Variants in ADAD1 observed in about 807,000 individuals in gnomAD.
ADAD1 encodes the protein adenosine deaminase domain-containing protein 1.
In ADAD1, 46 loss-of-function variants were observed where a neutral mutation model predicts 66.8. The observed-to-expected ratio is 0.69, with a 90% CI of 0.54 to 0.88. ADAD1 has a LOEUF of 0.88. ADAD1 is among the 40% of genes least tolerant of loss of function. The pLI is 0.00. For synonymous variants in ADAD1, 248 were observed against 229.4 expected (o/e 1.08, Z -0.73); for missense variants, 617 against 681.8 (o/e 0.91, Z 1.06).
chr4:122,407,829 T>C, intron 7 of ADAD1, 79 bp from the exon 8 acceptor site: 4 of 1,377,162 alleles, frequency 2.9e-6, no homozygotes, highest in Non-Finnish European at 3.9e-6. Context: ...AAATTAAAAA[T>C]GATGAGATAG....
intron 12 of ADAD1, among the ~76,000 whole-genome samples, chr4:122,429,162 G>A (rs933402369): frequency 6.6e-6 from 1 of 151,768 alleles, no homozygotes; most frequent in Non-Finnish European, 1.5e-5. Context: ...AACTGGCCAG[G>A]TGTGGTGGCT....
intron 6 of ADAD1, among the ~76,000 whole-genome samples, chr4:122,395,481 G>A (rs2150552947): frequency 6.6e-6 from 1 of 151,802 alleles, no homozygotes; most frequent in Non-Finnish European, 1.5e-5. Flanking sequence ...AGGAGTTCAA[G>A]ACCAGTCTGG....
intron 5 of ADAD1, among the ~76,000 whole-genome samples, chr4:122,387,158 T>C (rs1240226989): frequency 1.3e-5 from 2 of 152,354 alleles, no homozygotes; most frequent in African/African-American, 4.8e-5. Flanking sequence ...ATATTGATTC[T>C]TCTATCCGTG....
At chr4:122,409,029 G>A (rs1796354333) in intron 8 of ADAD1, among the ~76,000 whole-genome samples, 1 of 152,146 alleles carries the variant, frequency 6.6e-6, no homozygotes, top group Non-Finnish European at 1.5e-5. Context: ...ATTGTCCAAG[G>A]ACAGCACCAG....
intron 12 of ADAD1, among the ~76,000 whole-genome samples, chr4:122,421,771 A>G (rs1312005229): frequency 1.3e-5 from 2 of 152,042 alleles, no homozygotes; most frequent in African/African-American, 4.8e-5. Context: ...GAATTTTTCT[A>G]TTTTAAAGTT....
At chr4:122,411,471 C>A in intron 9 of ADAD1, 79 bp downstream of exon 9, 1 of 1,349,458 alleles carries the variant, frequency 7.4e-7, no homozygotes, top group Non-Finnish European at 1.0e-6. Context: ...GCAAATAGAA[C>A]ATATAAATTC....
rs777715886 is a variant in ADAD1, at chr4:122,380,094, C to T, written c.25C>T (p.Gln9Ter). 1 of 1,612,934 alleles carries T rather than the reference C, an allele frequency of 6.2e-7. No homozygotes were observed. Among genetic ancestry groups the T allele is most frequent in the African/African-American group, 1.3e-5 (1 of 74,808 alleles). ...AATGGCTAGCAACAATCATTGGTTT[C>T]AGAGTTCGCAGGTCCCCAGCTTTGC... MASNNHWF[Q>*]SSQVPSFAQM... Residue 9 changes from glutamine to a stop codon, truncating the protein, a stop_gained, in exon 3 of 13, where the codon CAG (glutamine) becomes TAG (stop). Coordinates refer to ENST00000296513, the MANE Select transcript of ADAD1 (RefSeq NM_139243.4). LOFTEE classifies it high-confidence loss of function.
rs1484567037 is a variant in ADAD1, at chr4:122,421,359, T to G, written c.1586T>G (p.Leu529Ter). The part of the protein sequence containing the change: ...NLLAKEAKKE[L>*]LEAGTYHAAK... ...CTTGCCAAAGAAGCTAAAAAAGAAT[T>G]ACTTGAAGCTGGTACATATCATGCA... The change falls in exon 12 of 13, where the codon TTA becomes TGA. Residue 529 changes from leucine to a stop codon, truncating the protein, a stop_gained. Transcript: ENST00000296513. LOFTEE classifies it high-confidence loss of function. The G allele has an allele frequency of 6.2e-7, 1 of 1,602,054 alleles. No individual in the cohort carries two copies. Among genetic ancestry groups the G allele is most frequent in the Non-Finnish European group, 8.5e-7 (1 of 1,171,836 alleles).
intron 5 of ADAD1, among the ~76,000 whole-genome samples, 181 bp downstream of exon 5, chr4:122,384,147 A>G (rs1046224491): frequency 3.9e-5 from 6 of 152,222 alleles, no homozygotes; most frequent in African/African-American, 1.4e-4. Flanking sequence ...GCTCTTGCAT[A>G]TTTCAGCACT....
chr4:122,412,813 A>T lies in ADAD1; in HGVS notation c.1249+4A>T. Reference sequence around the variant, plus strand: ...TACATCAGCAGTATACTTATTGGTGAGTGGGATTTCAGAACCTCCTGGGCC... The same window carrying T: ...TACATCAGCAGTATACTTATTGGTGTGTGGGATTTCAGAACCTCCTGGGCC... On this transcript the variant is annotated splice_donor_region_variant and intron_variant, in intron 10 of 12. Coordinates refer to ENST00000296513, the MANE Select transcript of ADAD1 (RefSeq NM_139243.4). 6.2e-7 allele frequency: 1 copy of T among 1,611,860 alleles called. No individual in the cohort carries two copies. Among genetic ancestry groups the T allele is most frequent in the East Asian group, 2.2e-5 (1 of 44,836 alleles).
intron 7 of ADAD1, among the ~76,000 whole-genome samples, chr4:122,403,134 T>C (rs557186134): frequency 6.6e-5 from 10 of 152,324 alleles, no homozygotes; most frequent in African/African-American, 2.2e-4. Context: ...AGTGGAAATA[T>C]CTGGAACTCA....
chr4:122,406,352 A>G (rs1796211582), intron 7 of ADAD1, among the ~76,000 whole-genome samples: 1 of 152,098 alleles, frequency 6.6e-6, no homozygotes, highest in African/African-American at 2.4e-5. Flanking sequence ...ACCTGTTTGT[A>G]TGTCTTCTAT....
At chr4:122,400,011 T>G (rs2150561483) in intron 7 of ADAD1, among the ~76,000 whole-genome samples, 1 of 152,252 alleles carries the variant, frequency 6.6e-6, no homozygotes, top group South Asian at 2.1e-4. Context: ...TTTGTCAGGT[T>G]GCTCTGGCTA....
chr4:122,414,442 T>C (rs191999416), intron 10 of ADAD1, among the ~76,000 whole-genome samples: 1 of 152,146 alleles, frequency 6.6e-6, no homozygotes, highest in Admixed American at 6.5e-5. Context: ...TTTATTTGAT[T>C]AGTTTTCTTT....
At chr4:122,391,834 T>G (rs1323530832) in intron 5 of ADAD1, among the ~76,000 whole-genome samples, 1 of 152,194 alleles carries the variant, frequency 6.6e-6, no homozygotes, top group Non-Finnish European at 1.5e-5. Context: ...CTCAGCTTCC[T>G]GAGTAGCTGG....
chr4:122,385,704 C>A lies in ADAD1; in HGVS notation c.529+1738C>A, dbSNP rs1275341978. ...TCTGTTCCCTCCCTCAACTCCCACC[C>A]CCTAAAAGGCCCTGGTGTGTGTTGT... On this transcript the variant is annotated intron_variant, in intron 5 of 12. Coordinates refer to ENST00000296513, the MANE Select transcript of ADAD1 (RefSeq NM_139243.4). Among the ~76,000 whole-genome samples the A allele has an allele frequency of 3.9e-5, 6 of 152,150 alleles. 1 individual carries two copies. Among genetic ancestry groups the A allele is most frequent in the Admixed American group, 6.5e-5 (1 of 15,282 alleles).
intron 6 of ADAD1, among the ~76,000 whole-genome samples, chr4:122,394,431 C>G (rs754985692): frequency 2.0e-5 from 3 of 152,126 alleles, no homozygotes; most frequent in Admixed American, 6.5e-5. Flanking sequence ...AGGAAAGGAG[C>G]CTTTATTTTC....
chr4:122,392,484 T>C (rs1331598420), intron 5 of ADAD1, among the ~76,000 whole-genome samples: 2 of 152,214 alleles, frequency 1.3e-5, no homozygotes, highest in Admixed American at 1.3e-4. Flanking sequence ...TCACTTGTTG[T>C]TAATATTAGG....
intron 7 of ADAD1, among the ~76,000 whole-genome samples, chr4:122,403,195 G>A (rs1304542725): frequency 1.3e-5 from 2 of 152,012 alleles, no homozygotes; most frequent in Non-Finnish European, 2.9e-5. Context: ...CCTTGATGTG[G>A]TGCTCTCCCC....
Sources: gnomAD v4.1 joint callset for allele counts (sites outside exome capture counted in the v4.1 genomes callset) on GRCh38, gnomAD v4.1.1 for gene constraint, MANE v1.5 for transcripts, NCBI Gene and HGNC (gene_info 2026-07-23, HGNC 2026-07-21) for gene names.